Variants in KCNK1 observed in about 807,000 individuals in gnomAD.
The protein encoded by KCNK1 is potassium two pore domain channel subfamily K member 1, also known as potassium channel subfamily K member 1.
A neutral mutation model predicts 22.2 loss-of-function variants in KCNK1; 10 were observed. The ratio of observed to expected loss-of-function variants is 0.45; its 90% CI spans 0.28 to 0.76. The LOEUF (loss-of-function observed/expected upper bound fraction) is 0.76, where lower values mean the gene tolerates loss of function less well. Among genes scored for constraint, KCNK1 ranks in the 30% least tolerant of loss-of-function variants. KCNK1 has a pLI of 0.14. For missense variants in KCNK1, 378 were observed against 421.0 expected (o/e 0.90, Z 0.89); for synonymous variants, 200 against 186.4 (o/e 1.07, Z -0.60).
chr1:233,663,125 C>T (rs1027467339), intron 1 of KCNK1, among the ~76,000 whole-genome samples: 3 of 152,098 alleles, frequency 2.0e-5, no homozygotes, highest in African/African-American at 7.2e-5. Flanking sequence ...GTAGTTGGTG[C>T]AGAGGGTGGT....
Position 233,614,412 on chromosome 1 carries a change from C to T in KCNK1, c.241C>T (p.Arg81Trp), listed in dbSNP as rs768120908. Reference protein sequence around the residue: ...SEQQLEQFLGRVLEASNYGVS... With the variant: ...SEQQLEQFLGWVLEASNYGVS... ...GCAGCAGCTGGAGCAGTTCCTGGGC[C>T]GGGTGCTGGAGGCCAGCAACTACGG... The change falls in exon 1 of 3, where the codon CGG (arginine) becomes TGG (tryptophan). Residue 81 changes from arginine to tryptophan, a missense_variant. Physicochemically the swap from Arg to Trp is moderately radical, Grantham distance 101. Transcript: ENST00000366621. 1.7e-5 allele frequency: 28 copies of T among 1,612,376 alleles called. No individual in the cohort carries two copies. The highest frequency in any genetic ancestry group is 1.3e-4 in the Admixed American group (8 of 59,872).
chr1:233,641,909 A>G (rs1658005715), intron 1 of KCNK1, among the ~76,000 whole-genome samples: 1 of 152,250 alleles, frequency 6.6e-6, no homozygotes, highest in African/African-American at 2.4e-5. Context: ...TGGGCAGCAG[A>G]TGAACAAATG....
At chr1:233,618,043 A>T (rs1657516869) in intron 1 of KCNK1, among the ~76,000 whole-genome samples, 1 of 152,238 alleles carries the variant, frequency 6.6e-6, no homozygotes, top group Non-Finnish European at 1.5e-5. Context: ...GTCTTCAAAG[A>T]TAGAGCATTC....
intron 1 of KCNK1, among the ~76,000 whole-genome samples, chr1:233,658,757 C>A (rs1658342858): frequency 6.6e-6 from 1 of 152,118 alleles, no homozygotes; most frequent in Non-Finnish European, 1.5e-5. Context: ...ATTTGGAGAT[C>A]TAAATATATC....
chr1:233,619,295 T>G (rs1399695106), intron 1 of KCNK1, among the ~76,000 whole-genome samples: 6 of 152,074 alleles, frequency 3.9e-5, no homozygotes, highest in African/African-American at 1.2e-4. Context: ...GTGCTGGGAT[T>G]ACAGGCATGA....
intron 1 of KCNK1, among the ~76,000 whole-genome samples, chr1:233,651,704 G>A (rs538539456): frequency 6.6e-6 from 1 of 152,330 alleles, no homozygotes; most frequent in East Asian, 1.9e-4. Flanking sequence ...AGAAAGGTGG[G>A]TCTGTGTTTG....
At chr1:233,632,998 A>G (rs977370600) in intron 1 of KCNK1, among the ~76,000 whole-genome samples, 16 of 151,662 alleles carry the variant, frequency 1.1e-4, no homozygotes, top group African/African-American at 3.4e-4. Flanking sequence ...GCAGCTCCCA[A>G]CCAGATCTTC....
chr1:233,644,625 G>A (rs1453923420), intron 1 of KCNK1, among the ~76,000 whole-genome samples: 9 of 152,068 alleles, frequency 5.9e-5, no homozygotes, highest in African/African-American at 2.2e-4. Flanking sequence ...AGGTCTGAGT[G>A]AAGAGAAGGT....
At chr1:233,654,566 T>C (rs1394830054) in intron 1 of KCNK1, among the ~76,000 whole-genome samples, 3 of 152,142 alleles carry the variant, frequency 2.0e-5, no homozygotes, top group Non-Finnish European at 1.5e-5. Flanking sequence ...GAATTGTTAA[T>C]CAAAGAGAAG....
chr1:233,659,523 T>G (rs1658355340), intron 1 of KCNK1, among the ~76,000 whole-genome samples: 1 of 151,514 alleles, frequency 6.6e-6, no homozygotes, highest in Admixed American at 6.6e-5. Flanking sequence ...AGTAAAAAAT[T>G]GTAACTATAT....
At chr1:233,653,984 G>C (rs1299243640) in intron 1 of KCNK1, among the ~76,000 whole-genome samples, 1 of 152,096 alleles carries the variant, frequency 6.6e-6, no homozygotes, top group Non-Finnish European at 1.5e-5. Context: ...ACTAGAAAAA[G>C]CCTACATTGC....
In KCNK1 at chr1:233,642,082, G is replaced by T. The variant is rs550704148; in HGVS notation, c.356-24513G>T. ...TCAATCATCTGTCTCCTGTTTTTAG[G>T]CAAACAGAGGGAGGGCAGAGAGCTC... On this transcript the variant is annotated intron_variant, in intron 1 of 2. Coordinates refer to ENST00000366621, the MANE Select transcript of KCNK1 (RefSeq NM_002245.4). Among the ~76,000 whole-genome samples the T allele has an allele frequency of 1.1e-4, 16 of 143,178 alleles. No individual in the cohort carries two copies. In the East Asian group the frequency reaches 2.0e-3, roughly 18 times the overall value. The allele number at this position is 143,178 out of a possible 152,430, so 93.9% of individuals were successfully genotyped here.
At chr1:233,648,516 C>G (rs1389100197) in intron 1 of KCNK1, among the ~76,000 whole-genome samples, 2 of 151,784 alleles carry the variant, frequency 1.3e-5, no homozygotes, top group East Asian at 3.9e-4. Flanking sequence ...GTCCCAAACT[C>G]TCCGTGGGTT....
intron 1 of KCNK1, among the ~76,000 whole-genome samples, chr1:233,627,291 G>A (rs887248983): frequency 6.6e-6 from 1 of 152,136 alleles, no homozygotes. Flanking sequence ...TAAATAACAG[G>A]AAGGGAAATA....
chr1:233,652,694 C>T (rs986270510), intron 1 of KCNK1, among the ~76,000 whole-genome samples: 1 of 152,142 alleles, frequency 6.6e-6, no homozygotes, highest in African/African-American at 2.4e-5. Flanking sequence ...AGACCACATT[C>T]CCTGACTTTT....
At chr1:233,666,335 C>G (rs1658488065) in intron 1 of KCNK1, among the ~76,000 whole-genome samples, 1 of 152,116 alleles carries the variant, frequency 6.6e-6, no homozygotes, top group African/African-American at 2.4e-5. Context: ...ATAGTGAATT[C>G]AAGACCAGAG....
intron 1 of KCNK1, among the ~76,000 whole-genome samples, chr1:233,644,846 T>G (rs887083796): frequency 6.6e-6 from 1 of 151,998 alleles, no homozygotes; most frequent in African/African-American, 2.4e-5. Flanking sequence ...TTCAAGAAAT[T>G]TAAGATTACA....
At chr1:233,638,900 C>T (rs1472056812) in intron 1 of KCNK1, among the ~76,000 whole-genome samples, 1 of 152,158 alleles carries the variant, frequency 6.6e-6, no homozygotes, top group South Asian at 2.1e-4. Context: ...CTGGAAGTGG[C>T]AGTTACATGT....
chr1:233,619,425 G>GA (rs1657539679), intron 1 of KCNK1, among the ~76,000 whole-genome samples: 1 of 152,132 alleles, frequency 6.6e-6, no homozygotes, highest in Non-Finnish European at 1.5e-5. Context: ...TTCAGTAAGT[G>GA]AACTTAATTG....
Sources: allele counts gnomAD v4.1 joint callset (sites outside exome capture counted in the v4.1 genomes callset), GRCh38; gene constraint gnomAD v4.1.1; transcripts MANE v1.5; gene names NCBI Gene and HGNC (gene_info 2026-07-23, HGNC 2026-07-21).